ADAMTS9: variants seen among roughly 807,000 people sequenced by gnomAD.
ADAMTS9 encodes the protein ADAM metallopeptidase with thrombospondin type 1 motif 9, also known as A disintegrin and metalloproteinase with thrombospondin motifs 9.
In ADAMTS9, 107 loss-of-function variants were observed where a neutral mutation model predicts 257.1. That is an observed-to-expected ratio of 0.42 (90% CI 0.36 to 0.49). ADAMTS9 has a LOEUF of 0.49. ADAMTS9 is among the 20% of genes least tolerant of loss of function. The pLI, the probability that ADAMTS9 is intolerant of heterozygous loss-of-function variation, is 0.03. For synonymous variants in ADAMTS9, 982 were observed against 880.9 expected (o/e 1.11, Z -2.03); for missense variants, 2,353 against 2,469.1 (o/e 0.95, Z 1.00).
intron 38 of ADAMTS9, among the ~76,000 whole-genome samples, chr3:64,526,188 A>G (rs1698074973): frequency 6.6e-6 from 1 of 151,058 alleles, no homozygotes; most frequent in Non-Finnish European, 1.5e-5. Context: ...TAATGTTCCC[A>G]CCTCAAAGAA....
chr3:64,624,907 GCTCC>G (rs1700191116), intron 16 of ADAMTS9, among the ~76,000 whole-genome samples: 1 of 152,114 alleles, frequency 6.6e-6, no homozygotes, highest in South Asian at 2.1e-4. Context: ...TGGTACCACT[GCTCC>G]TTGAATAAGT....
chr3:64,561,686 TTTG>T lies in ADAMTS9; in HGVS notation c.4587_4589del (p.His1529_Lys1530delinsGln). 1 of 1,614,018 alleles carries T rather than the reference TTTG, an allele frequency of 6.2e-7. No homozygotes were observed. Among genetic ancestry groups the T allele is most frequent in the Non-Finnish European group, 8.5e-7 (1 of 1,179,994 alleles). ...GGTTGCACTCGGTCTCTCTGGCTAT[TTTG>T]TGTGTTCCGATCTGACAGCCCACAT... On this transcript the variant is annotated inframe_deletion, in exon 30 of 40. Transcript: ENST00000498707.
At chr3:64,626,471 T>C (rs937814043) in intron 16 of ADAMTS9, among the ~76,000 whole-genome samples, 2 of 152,212 alleles carry the variant, frequency 1.3e-5, no homozygotes, top group African/African-American at 4.8e-5. Context: ...TTAGTCTGCA[T>C]GAGCCCTTGA....
intron 31 of ADAMTS9, among the ~76,000 whole-genome samples, chr3:64,547,414 G>A (rs1284555108): frequency 6.6e-6 from 1 of 151,222 alleles, no homozygotes; most frequent in Non-Finnish European, 1.5e-5. Context: ...TGAGCCAACG[G>A]GGACTCTGGG....
In ADAMTS9 at chr3:64,686,579, A is replaced by G; in HGVS notation, c.505T>C (p.Cys169Arg). 1.9e-6 allele frequency: 3 copies of G among 1,610,216 alleles called. No homozygotes were observed. Among genetic ancestry groups the G allele is most frequent in the Non-Finnish European group, 2.5e-6 (3 of 1,178,258 alleles). The stretch of plus-strand genomic sequence containing the variant: ...GCGCGCCCACTTACCATTCCTGAGC[A>G]GAGGCTGATGACGGCCGTGTGCTCG... Reference protein sequence around the residue: ...NSEHTAVISLCSGMLGTFRSH... With the variant: ...NSEHTAVISLRSGMLGTFRSH... The change falls in exon 2 of 40, where the codon TGC becomes CGC. Residue 169 changes from cysteine (C) to arginine (R), a missense_variant. Transcript: ENST00000498707. This position sits in a 1 kb window ranked among gnomAD's most constrained non-coding sequence, Gnocchi z 4.6.
intron 3 of ADAMTS9, among the ~76,000 whole-genome samples, chr3:64,670,107 A>G (rs1701450517): frequency 6.9e-6 from 1 of 145,406 alleles, no homozygotes. Flanking sequence ...CATACTATTA[A>G]TACCAAACTC....
At chr3:64,583,705 G>C (rs974350829) in intron 28 of ADAMTS9, 3 of 152,104 alleles carry the variant, frequency 2.0e-5, no homozygotes, top group Non-Finnish European at 4.4e-5. Context: ...TTATACTAAG[G>C]TTCTCAGAAA....
At chr3:64,537,871 T>A (rs191260452) in intron 37 of ADAMTS9, among the ~76,000 whole-genome samples, 436 of 152,316 alleles carry the variant, frequency 2.9e-3, no homozygotes, top group Non-Finnish European at 4.5e-3. Flanking sequence ...AAGCTTCTTG[T>A]AAAGACTAAC....
At chr3:64,684,729 A>C (rs11130979) in intron 2 of ADAMTS9, among the ~76,000 whole-genome samples, 16,825 of 152,132 alleles carry the variant, frequency 0.11, 1,633 homozygotes, top group African/African-American at 0.25. Flanking sequence ...TCAGTTCCCA[A>C]AGAAACCACG....
At chr3:64,541,740 G>GA (rs2083125239) in intron 33 of ADAMTS9, 98 bp downstream of exon 33, 7 of 1,574,348 alleles carry the variant, frequency 4.4e-6, no homozygotes, top group African/African-American at 2.7e-5. Flanking sequence ...ATTTCCTTCA[G>GA]AAAAAATTCT....
chr3:64,681,167 A>G (rs777406197), intron 3 of ADAMTS9, 34 bp downstream of exon 3: 1 of 1,597,218 alleles, frequency 6.3e-7, no homozygotes, highest in Non-Finnish European at 8.5e-7. Flanking sequence ...CATCTCAAAG[A>G]GCTGGGCTCT....
intron 28 of ADAMTS9, among the ~76,000 whole-genome samples, chr3:64,579,303 A>G (rs73832334): frequency 0.018 from 2,718 of 152,114 alleles, 64 homozygotes; most frequent in African/African-American, 0.061. Context: ...TTCCTTTTGT[A>G]TTTTCCCCTA....
At chr3:64,661,620 A>G (rs1701225235) in intron 3 of ADAMTS9, among the ~76,000 whole-genome samples, 1 of 152,300 alleles carries the variant, frequency 6.6e-6, no homozygotes, top group East Asian at 1.9e-4. Flanking sequence ...CTCAACAGCT[A>G]CGGTTTGAAA....
chr3:64,594,373 C>T lies in ADAMTS9; in HGVS notation c.4241G>A (p.Gly1414Asp), dbSNP rs1179840957. 1 of 1,613,972 alleles carries T rather than the reference C, an allele frequency of 6.2e-7. No homozygotes were observed. The highest frequency in any genetic ancestry group is 8.5e-7 in the Non-Finnish European group (1 of 1,179,988). ...ACAGCTCAAATCTGGAAACCGTTCA[C>T]CGTTGGACCGCTGACAGACCACCAG... Reference protein sequence around the residue: ...TRLVVCQRSNGERFPDLSCEI... With the variant: ...TRLVVCQRSNDERFPDLSCEI... Residue 1414 changes from glycine to aspartate, a missense_variant, in exon 28 of 40, where the codon GGT becomes GAT. Around this residue, in one of 3 missense-constraint regions of ADAMTS9, gnomAD observed 1,402 missense variants for 1,441.4 expected, o/e 0.97. Transcript: ENST00000498707.
chr3:64,545,634 G>C (rs1415869794), intron 32 of ADAMTS9, among the ~76,000 whole-genome samples: 1 of 152,120 alleles, frequency 6.6e-6, no homozygotes, highest in African/African-American at 2.4e-5. Context: ...GGGACGGATA[G>C]CATTAGGAGA....
rs59527905 is a variant in ADAMTS9, at chr3:64,578,289, T to TAA, written c.4357-9756_4357-9755dup. ...TCTCCTCTTCCTGCCTTCCTTTGGT[T>TAA]AAAAAAAAAAAAAGGCTCAAAAGTA... is the stretch of plus-strand genomic sequence containing the variant. On this transcript the variant is annotated intron_variant, in intron 28 of 39. Transcript: ENST00000498707. Among the ~76,000 whole-genome samples the TAA allele has an allele frequency of 9.3e-3, 1,326 of 142,488 alleles. 18 individuals carry two copies. The highest frequency in any genetic ancestry group is 0.032 in the African/African-American group (1,239 of 38,448). 93.5% of individuals were successfully genotyped at this position (142,488 alleles called of 152,430 possible).
At chr3:64,602,576 C>T (rs1199276857) in intron 25 of ADAMTS9, among the ~76,000 whole-genome samples, 2 of 152,216 alleles carry the variant, frequency 1.3e-5, no homozygotes, top group Admixed American at 1.3e-4. Flanking sequence ...CCACTCACTG[C>T]ACTCCAGCTA....
intron 22 of ADAMTS9, among the ~76,000 whole-genome samples, chr3:64,612,988 A>G (rs1410207007): frequency 6.6e-6 from 1 of 152,090 alleles, no homozygotes; most frequent in Non-Finnish European, 1.5e-5. Context: ...CCTGCCAGAG[A>G]CTCTGGTGCT....
intron 3 of ADAMTS9, among the ~76,000 whole-genome samples, chr3:64,679,862 T>C (rs1265732124): frequency 6.6e-6 from 1 of 152,242 alleles, no homozygotes; most frequent in Non-Finnish European, 1.5e-5. Context: ...TGCTGGTGGC[T>C]GGCAGTCTTG....
Sources: gnomAD v4.1 joint callset for allele counts (sites outside exome capture counted in the v4.1 genomes callset) on GRCh38, gnomAD v4.1.1 for gene constraint, gnomAD v4.1.1 regional missense constraint, Gnocchi (gnomAD v3.1) non-coding constraint, MANE v1.5 for transcripts, NCBI Gene and HGNC (gene_info 2026-07-23, HGNC 2026-07-21) for gene names.